Variants in DPP10 observed in about 807,000 individuals in gnomAD.
DPP10 encodes dipeptidyl peptidase like 10, also known as inactive dipeptidyl peptidase 10.
DPP10 carries 33 observed loss-of-function variants against 120.9 expected under a neutral mutation model. The observed-to-expected ratio is 0.27, with a 90% CI of 0.21 to 0.37. The LOEUF (loss-of-function observed/expected upper bound fraction) is 0.37. Ranked by LOEUF, DPP10 falls within the 10% of genes least tolerant of loss-of-function variation. DPP10 has a pLI of 1.00. For synonymous variants in DPP10, 337 were observed against 326.1 expected (o/e 1.03, Z -0.36); for missense variants, 816 against 942.8 (o/e 0.87, Z 1.76).
At chr2:115,455,072 A>G (rs2073414369) in intron 3 of DPP10, among the ~76,000 whole-genome samples, 1 of 151,246 alleles carries the variant, frequency 6.6e-6, no homozygotes, top group Non-Finnish European at 1.5e-5. Flanking sequence ...ATAAATATGT[A>G]AAATAACATC....
At chr2:114,634,660 G>A (rs994858868) in intron 1 of DPP10, among the ~76,000 whole-genome samples, 1 of 151,844 alleles carries the variant, frequency 6.6e-6, no homozygotes. Context: ...TTATGAATTA[G>A]GGATAATAAT....
chr2:115,799,438 A>C (rs1461950047), intron 19 of DPP10, among the ~76,000 whole-genome samples: 1 of 151,652 alleles, frequency 6.6e-6, no homozygotes, highest in Non-Finnish European at 1.5e-5. Flanking sequence ...TTCTTTTTTT[A>C]TTAATATTAT....
At chr2:115,525,252 T>C (rs2078057778) in intron 4 of DPP10, among the ~76,000 whole-genome samples, 1 of 152,166 alleles carries the variant, frequency 6.6e-6, no homozygotes, top group African/African-American at 2.4e-5. Context: ...GTGAAATCTT[T>C]TTTCTACCTT....
chr2:115,004,197 G>A (rs1009264637), intron 1 of DPP10, among the ~76,000 whole-genome samples: 1 of 152,146 alleles, frequency 6.6e-6, no homozygotes, highest in African/African-American at 2.4e-5. Flanking sequence ...AGGGAAGGTG[G>A]TTAATGGTCC....
chr2:115,799,573 A>C (rs1315206167), intron 19 of DPP10, among the ~76,000 whole-genome samples: 1 of 131,294 alleles, frequency 7.6e-6, no homozygotes, highest in African/African-American at 2.8e-5. Flanking sequence ...TCCTAATGCT[A>C]TCCCTCCCCC....
chr2:115,210,181 C>G (rs2056412993), intron 1 of DPP10, among the ~76,000 whole-genome samples: 1 of 152,140 alleles, frequency 6.6e-6, no homozygotes, highest in Non-Finnish European at 1.5e-5. Flanking sequence ...TCTCCCAACT[C>G]CATGACAGGC....
In DPP10 at chr2:115,791,147, C is replaced by A; in HGVS notation, c.1598C>A (p.Pro533Gln). 8.1e-6 allele frequency: 13 copies of A among 1,613,476 alleles called. No individual in the cohort carries two copies. Among genetic ancestry groups the A allele is most frequent in the Non-Finnish European group, 1.1e-5 (13 of 1,179,720 alleles). Residue 533 changes from proline to glutamine, a missense_variant, in exon 18 of 26, where the codon CCA (proline) becomes CAA (glutamine). This residue lies in a region of DPP10 where 592 missense variants were observed against 649.0 expected (regional missense o/e 0.91). Transcript: ENST00000410059. Reference protein sequence around the residue: ...EAILKKKIGKPEIKILHIDDY... With the variant: ...EAILKKKIGKQEIKILHIDDY... ...ATCCTGAAGAAGAAGATAGGAAAGCCAGAAATTAAAATCCTTCATATTGAC... is the reference window on the plus strand; with the variant it reads ...ATCCTGAAGAAGAAGATAGGAAAGCAAGAAATTAAAATCCTTCATATTGAC...
intron 1 of DPP10, among the ~76,000 whole-genome samples, chr2:114,618,526 A>G (rs7562958): frequency 5.3e-5 from 8 of 152,062 alleles, no homozygotes; most frequent in Non-Finnish European, 1.2e-4. Context: ...AACACACTCA[A>G]TACTCTAAGC....
chr2:114,500,649 C>T (rs1683074777), intron 1 of DPP10, among the ~76,000 whole-genome samples: 1 of 151,992 alleles, frequency 6.6e-6, no homozygotes, highest in South Asian at 2.1e-4. Context: ...TATTGATTGG[C>T]CTCCAGGATC....
chr2:115,686,146 T>G (rs1032108990), intron 5 of DPP10, among the ~76,000 whole-genome samples: 4 of 152,006 alleles, frequency 2.6e-5, no homozygotes, highest in African/African-American at 7.2e-5. Context: ...GACATGTTTT[T>G]CACATTTTTG....
chr2:115,002,096 G>C (rs1162604593), intron 1 of DPP10, among the ~76,000 whole-genome samples: 1 of 152,032 alleles, frequency 6.6e-6, no homozygotes. Context: ...AAAAGGAACA[G>C]AGCTGGAGGC....
At chr2:115,759,839 C>T (rs969498642) in intron 11 of DPP10, among the ~76,000 whole-genome samples, 36 of 152,014 alleles carry the variant, frequency 2.4e-4, no homozygotes, top group African/African-American at 8.0e-4. Context: ...GGAGAAACCC[C>T]GTCCCTACTA....
intron 1 of DPP10, among the ~76,000 whole-genome samples, chr2:114,984,665 G>A (rs1287514813): frequency 6.6e-6 from 1 of 152,182 alleles, no homozygotes; most frequent in Non-Finnish European, 1.5e-5. Context: ...ATAGGAAAAT[G>A]ACTAGTGAAG....
intron 3 of DPP10, among the ~76,000 whole-genome samples, chr2:115,345,459 T>G (rs989639330): frequency 4.6e-5 from 7 of 152,308 alleles, no homozygotes; most frequent in Non-Finnish European, 1.0e-4. Context: ...TGTTTACTCT[T>G]TAGCAAATAT....
chr2:115,769,020 A>C (rs1681137868), intron 13 of DPP10, among the ~76,000 whole-genome samples: 1 of 152,044 alleles, frequency 6.6e-6, no homozygotes, highest in African/African-American at 2.4e-5. Context: ...TGAAGGGTTT[A>C]TACAGTTTTA....
intron 1 of DPP10, among the ~76,000 whole-genome samples, chr2:114,980,896 T>C (rs1381348038): frequency 1.3e-5 from 2 of 152,134 alleles, no homozygotes; most frequent in African/African-American, 2.4e-5. Context: ...TAACGTTTTA[T>C]ACTCCATAGT....
At chr2:115,147,242 G>A (rs917831122) in intron 1 of DPP10, among the ~76,000 whole-genome samples, 7 of 151,360 alleles carry the variant, frequency 4.6e-5, no homozygotes, top group African/African-American at 1.7e-4. Context: ...TACATATATA[G>A]TATATTTCAC....
intron 1 of DPP10, among the ~76,000 whole-genome samples, chr2:114,970,669 A>T (rs1026076921): frequency 3.3e-5 from 5 of 152,178 alleles, no homozygotes; most frequent in Non-Finnish European, 7.3e-5. Flanking sequence ...TTAATATGTG[A>T]TCCTAAGTAA....
intron 1 of DPP10, among the ~76,000 whole-genome samples, chr2:114,659,063 G>A (rs1558975658): frequency 6.6e-6 from 1 of 152,118 alleles, no homozygotes; most frequent in African/African-American, 2.4e-5. Context: ...CTGCTGCCAT[G>A]TAAGACATGC....
Sources: gnomAD v4.1 joint callset for allele counts (sites outside exome capture counted in the v4.1 genomes callset) on GRCh38, gnomAD v4.1.1 for gene constraint, gnomAD v4.1.1 regional missense constraint, MANE v1.5 for transcripts, NCBI Gene and HGNC (gene_info 2026-07-23, HGNC 2026-07-21) for gene names.